The following PTPRG variants were observed in gnomAD, a reference collection of about 807,000 sequenced individuals.
PTPRG encodes the protein protein tyrosine phosphatase receptor type G.
In PTPRG, 102 loss-of-function variants were observed where a neutral mutation model predicts 165.3. That is an observed-to-expected ratio of 0.62 (90% CI 0.53 to 0.73). PTPRG has a LOEUF of 0.73. Ranked by LOEUF, PTPRG falls within the 30% of genes least tolerant of loss-of-function variation. The probability of loss-of-function intolerance (pLI) is 0.00; values close to 1 mark genes in which losing one functional copy is unlikely to be tolerated. For synonymous variants in PTPRG, 675 were observed against 669.5 expected, an observed-to-expected ratio of 1.01 and a Z score of -0.13; for missense variants, 1,866 against 1,861.4, an observed-to-expected ratio of 1.00 and a Z score of -0.05.
At chr3:61,687,808 T>C (rs1703682651) in intron 1 of PTPRG, among the ~76,000 whole-genome samples, 2 of 152,208 alleles carry the variant, frequency 1.3e-5, no homozygotes, top group South Asian at 4.1e-4. Flanking sequence ...GAAATCCATT[T>C]GTTAAATAGC....
At chr3:61,615,319 C>CT (rs1379381121) in intron 1 of PTPRG, among the ~76,000 whole-genome samples, 5 of 152,220 alleles carry the variant, frequency 3.3e-5, no homozygotes, top group African/African-American at 1.2e-4. Flanking sequence ...TCCTTGGCCT[C>CT]TATGACCTCG....
intron 3 of PTPRG, among the ~76,000 whole-genome samples, chr3:61,994,354 A>G (rs1287173684): frequency 6.6e-6 from 1 of 152,130 alleles, no homozygotes; most frequent in Non-Finnish European, 1.5e-5. Flanking sequence ...CTTATATCCC[A>G]CACTGAGGAC....
At chr3:62,148,038 C>A (rs983655866) in intron 6 of PTPRG, among the ~76,000 whole-genome samples, 3 of 152,032 alleles carry the variant, frequency 2.0e-5, no homozygotes, top group African/African-American at 4.8e-5. Flanking sequence ...TCAAGCTACT[C>A]GGGAGGCTGA....
chr3:62,200,171 A>C (rs931941260), intron 10 of PTPRG, among the ~76,000 whole-genome samples: 1 of 152,254 alleles, frequency 6.6e-6, no homozygotes, highest in Non-Finnish European at 1.5e-5. Flanking sequence ...GGATAGAAGT[A>C]ATGGTTGTAC....
At chr3:61,681,353 T>G (rs981868142) in intron 1 of PTPRG, among the ~76,000 whole-genome samples, 7 of 152,246 alleles carry the variant, frequency 4.6e-5, no homozygotes, top group Non-Finnish European at 8.8e-5. Flanking sequence ...GATCCAATGC[T>G]GAAACATTAC....
At chr3:62,058,127 TG>T (rs1448938402) in intron 4 of PTPRG, among the ~76,000 whole-genome samples, 3 of 152,152 alleles carry the variant, frequency 2.0e-5, no homozygotes, top group Non-Finnish European at 4.4e-5. Context: ...CAATTCCCCA[TG>T]GATCCAGCCT....
chr3:61,824,796 A>C (rs1415111837), intron 2 of PTPRG, among the ~76,000 whole-genome samples: 1 of 152,228 alleles, frequency 6.6e-6, no homozygotes, highest in Non-Finnish European at 1.5e-5. Flanking sequence ...ATGTCAAAAC[A>C]AACTGTGATT....
intron 2 of PTPRG, among the ~76,000 whole-genome samples, chr3:61,860,219 G>T (rs532520381): frequency 1.3e-5 from 2 of 152,228 alleles, no homozygotes; most frequent in African/African-American, 4.8e-5. Context: ...TAAGAGTGCT[G>T]CACTAAGAAG....
chr3:61,799,510 A>G (rs2035169348), intron 2 of PTPRG, among the ~76,000 whole-genome samples: 1 of 152,124 alleles, frequency 6.6e-6, no homozygotes. Flanking sequence ...GTTCTTAATG[A>G]CCTTGGCAAT....
Position 62,095,164 on chromosome 3 carries a change from C to G in PTPRG, c.615+16906C>G, listed in dbSNP as rs117525136. On this transcript the variant is annotated intron_variant, in intron 5 of 29. Transcript: ENST00000474889. Reference sequence around the variant, plus strand: ...ATTTAAAAATTCTTGGGTCATAAAGCGAAGAGAGAGCACGGTGTACCATCA... The same window carrying G: ...ATTTAAAAATTCTTGGGTCATAAAGGGAAGAGAGAGCACGGTGTACCATCA... 1.5e-3 allele frequency among the ~76,000 whole-genome samples: 229 copies of G among 152,240 alleles called. 2 individuals carry two copies. The highest frequency in any genetic ancestry group is 0.014 in the South Asian group (69 of 4,810).
intron 1 of PTPRG, among the ~76,000 whole-genome samples, chr3:61,661,072 ATTT>A (rs1244195894): frequency 2.0e-5 from 3 of 147,862 alleles, no homozygotes; most frequent in African/African-American, 4.9e-5. Context: ...CTAATTAAAA[ATTT>A]TTTTTTTTTC....
chr3:61,593,321 G>A (rs894938990), intron 1 of PTPRG, among the ~76,000 whole-genome samples: 5 of 151,174 alleles, frequency 3.3e-5, no homozygotes, highest in African/African-American at 9.7e-5. Context: ...ATGATGAATT[G>A]CTTTTAGATG....
chr3:61,754,094 C>T (rs754962063), intron 2 of PTPRG, among the ~76,000 whole-genome samples: 10 of 152,132 alleles, frequency 6.6e-5, no homozygotes, highest in Non-Finnish European at 1.0e-4. Context: ...GAGACCATTT[C>T]TCATTGTTAG....
At chr3:62,077,918 A>G (rs1048003506) in intron 4 of PTPRG, among the ~76,000 whole-genome samples, 1 of 151,736 alleles carries the variant, frequency 6.6e-6, no homozygotes, top group Non-Finnish European at 1.5e-5. Context: ...GAATCGCTTG[A>G]ACCTGGGAGG....
intron 2 of PTPRG, among the ~76,000 whole-genome samples, chr3:61,894,706 C>A (rs889914265): frequency 2.6e-5 from 4 of 152,190 alleles, no homozygotes; most frequent in African/African-American, 9.7e-5. Context: ...AGCAATGAGG[C>A]TCTTAAAACA....
At chr3:61,829,557 G>C (rs764042748) in intron 2 of PTPRG, among the ~76,000 whole-genome samples, 11 of 152,224 alleles carry the variant, frequency 7.2e-5, no homozygotes, top group African/African-American at 1.7e-4. Flanking sequence ...AGCAAATACT[G>C]TCCAACCCTT....
At chr3:61,603,396 C>T (rs141299272) in intron 1 of PTPRG, among the ~76,000 whole-genome samples, 3 of 152,178 alleles carry the variant, frequency 2.0e-5, no homozygotes, top group African/African-American at 7.2e-5. Flanking sequence ...CCTACCCCCA[C>T]TTGCTTCTGC....
rs955184916 is a variant in PTPRG at position 62,195,563 on chromosome 3, G to A, written c.1327+393G>A. On this transcript the variant is annotated intron_variant, in intron 10 of 29. Transcript: ENST00000474889. The surrounding 1 kb of genome is among the most constrained non-coding windows in gnomAD (Gnocchi z 4.4). The stretch of plus-strand genomic sequence containing the variant: ...GTTCTCTCAAAAACTGCAGCCCATA[G>A]CAGCTACACCTCACCCTTCCGACTT... Among the ~76,000 whole-genome samples the A allele has an allele frequency of 1.3e-5, 2 of 151,986 alleles. No homozygotes were observed. The highest frequency in any genetic ancestry group is 4.2e-4 in the South Asian group (2 of 4,812).
At chr3:62,193,896 C>T (rs1699898804) in intron 9 of PTPRG, among the ~76,000 whole-genome samples, 1 of 152,240 alleles carries the variant, frequency 6.6e-6, no homozygotes, top group Admixed American at 6.5e-5. Context: ...TAAGAAGAGT[C>T]TTTGAAAATC....
Sources: allele counts gnomAD v4.1 joint callset (sites outside exome capture counted in the v4.1 genomes callset), GRCh38; gene constraint gnomAD v4.1.1; non-coding constraint Gnocchi (gnomAD v3.1); transcripts MANE v1.5; gene names NCBI Gene and HGNC (gene_info 2026-07-23, HGNC 2026-07-21).